NSUN3: variants seen among roughly 807,000 people sequenced by gnomAD.
The protein encoded by NSUN3 is NOP2/Sun RNA methyltransferase 3.
In NSUN3, 24 loss-of-function variants were observed where a neutral mutation model predicts 36.8. The observed-to-expected ratio is 0.65, with a 90% CI of 0.47 to 0.92. NSUN3 has a LOEUF of 0.92. Ranked by LOEUF, NSUN3 falls within the 40% of genes least tolerant of loss-of-function variation. The pLI is 0.00. For missense variants in NSUN3, 381 were observed against 392.8 expected (o/e 0.97, Z 0.25); for synonymous variants, 146 against 145.2 (o/e 1.01, Z -0.04).
chr3:94,108,917 G>A lies in NSUN3; in HGVS notation c.743+13763G>A, dbSNP rs552075119. Among the ~76,000 whole-genome samples the A allele has an allele frequency of 3.2e-3, 477 of 150,972 alleles. 2 individuals are homozygous for A. In the South Asian group the frequency reaches 0.038, roughly 12 times the overall value. ...TGACCTCAGGTGATTCACCCAACTC[G>A]GCCTCCCAAAGTGCTGGGATTACTG... is the stretch of plus-strand genomic sequence containing the variant. On this transcript the variant is annotated intron_variant, in intron 5 of 5. Coordinates refer to ENST00000314622, the MANE Select transcript of NSUN3 (RefSeq NM_022072.5).
intron 2 of NSUN3, chr3:94,076,744 CTT>C: frequency 6.9e-7 from 1 of 1,454,782 alleles, no homozygotes; most frequent in East Asian, 2.3e-5. Flanking sequence ...TGGAAGGAGT[CTT>C]TGTTGTGATA....
chr3:94,108,140 C>G (rs568334563), intron 5 of NSUN3, among the ~76,000 whole-genome samples: 1 of 151,896 alleles, frequency 6.6e-6, no homozygotes, highest in East Asian at 1.9e-4. Flanking sequence ...AAGAATAGTA[C>G]AAGGAGCTCC....
chr3:94,116,311 G>T (rs2077440038), intron 5 of NSUN3, among the ~76,000 whole-genome samples: 1 of 152,052 alleles, frequency 6.6e-6, no homozygotes, highest in African/African-American at 2.4e-5. Flanking sequence ...ATCCTTGAAG[G>T]CAAAGCATTA....
chr3:94,109,995 C>T (rs1482330796), intron 5 of NSUN3, among the ~76,000 whole-genome samples: 1 of 152,056 alleles, frequency 6.6e-6, no homozygotes, highest in Non-Finnish European at 1.5e-5. Flanking sequence ...ATAGCATGTA[C>T]TCTTTTATCT....
In NSUN3 at chr3:94,121,648, A is replaced by G. The variant is rs1006582772; in HGVS notation, c.744-4563A>G. Reference sequence around the variant, plus strand: ...TGAATAGTGAGGAGAGGAAACATAGAAAAAGTTTTTTTAGAGACTAACAAC... The same window carrying G: ...TGAATAGTGAGGAGAGGAAACATAGGAAAAGTTTTTTTAGAGACTAACAAC... On this transcript the variant is annotated intron_variant, in intron 5 of 5. Transcript: ENST00000314622. Among the ~76,000 whole-genome samples the G allele has an allele frequency of 7.9e-5, 12 of 152,282 alleles. No individual in the cohort carries two copies. The East Asian group carries it at 1.5e-3, about 20-fold the overall frequency.
chr3:94,107,550 G>A (rs1468671805), intron 5 of NSUN3, among the ~76,000 whole-genome samples: 2 of 152,034 alleles, frequency 1.3e-5, no homozygotes, highest in Non-Finnish European at 2.9e-5. Flanking sequence ...GCCTCTGAAA[G>A]TGCTGGGATT....
intron 5 of NSUN3, among the ~76,000 whole-genome samples, chr3:94,110,940 G>A (rs535587960): frequency 6.6e-6 from 1 of 152,034 alleles, no homozygotes; most frequent in South Asian, 2.1e-4. Flanking sequence ...ATTGGGCCTG[G>A]ATCCCTGATG....
intron 5 of NSUN3, among the ~76,000 whole-genome samples, chr3:94,125,694 C>T (rs990820701): frequency 1.3e-5 from 2 of 152,214 alleles, no homozygotes; most frequent in Admixed American, 6.5e-5. Context: ...GTCTAACTTA[C>T]TCTATCTTTT....
Position 94,129,979 on chromosome 3 carries a change from C to T in NSUN3, c.*3489C>T, listed in dbSNP as rs949269782. On this transcript the variant is annotated 3_prime_UTR_variant, in exon 6 of 6. Coordinates refer to ENST00000314622, the MANE Select transcript of NSUN3 (RefSeq NM_022072.5). ...CCATCTTGGCCAGGTTGATCTTGAA[C>T]TCCTGACCTTGTCATCCACCTGCCT... Among the ~76,000 whole-genome samples the T allele has an allele frequency of 3.3e-5, 5 of 151,988 alleles. No homozygotes were observed. Among genetic ancestry groups the T allele is most frequent in the Non-Finnish European group, 5.9e-5 (4 of 68,000 alleles).
At chr3:94,107,917 G>A (rs2077396942) in intron 5 of NSUN3, among the ~76,000 whole-genome samples, 1 of 149,562 alleles carries the variant, frequency 6.7e-6, no homozygotes, top group Admixed American at 6.7e-5. Flanking sequence ...CAGTTGGCAG[G>A]AAGAAAAACC....
At chr3:94,094,995 C>A in intron 4 of NSUN3, 38 bp from the exon 5 acceptor site, 1 of 1,605,990 alleles carries the variant, frequency 6.2e-7, no homozygotes, top group South Asian at 1.1e-5. Flanking sequence ...AATAGATTGT[C>A]AGTGCATATT....
intron 5 of NSUN3, among the ~76,000 whole-genome samples, chr3:94,097,206 C>A (rs2077345345): frequency 6.6e-6 from 1 of 152,076 alleles, no homozygotes; most frequent in Non-Finnish European, 1.5e-5. Context: ...AAAAATAAAT[C>A]AAATAATACA....
At chr3:94,124,696 G>A (rs79343974) in intron 5 of NSUN3, among the ~76,000 whole-genome samples, 4,684 of 152,092 alleles carry the variant, frequency 0.031, 227 homozygotes, top group African/African-American at 0.1. Context: ...CACCTTCTAA[G>A]GCACTATGGG....
intron 5 of NSUN3, among the ~76,000 whole-genome samples, chr3:94,112,746 A>G (rs1030161634): frequency 3.3e-5 from 5 of 152,266 alleles, no homozygotes; most frequent in South Asian, 2.1e-4. Flanking sequence ...GCTGTGCCCA[A>G]TTAAAAATCC....
rs975085509 is a variant in NSUN3, at chr3:94,129,890, T to C, written c.*3400T>C. ...GCCTCAGCCTCCCAAGTAACTGAGATCACAGGCACCCGCCACCATGCTTGG... is the reference window on the plus strand; with the variant it reads ...GCCTCAGCCTCCCAAGTAACTGAGACCACAGGCACCCGCCACCATGCTTGG... On this transcript the variant is annotated 3_prime_UTR_variant, in exon 6 of 6. Coordinates refer to ENST00000314622, the MANE Select transcript of NSUN3 (RefSeq NM_022072.5). Among the ~76,000 whole-genome samples the C allele has an allele frequency of 3.3e-5, 5 of 151,546 alleles. No homozygotes were observed. The highest frequency in any genetic ancestry group is 5.9e-5 in the Non-Finnish European group (4 of 67,906).
At chr3:94,073,954 T>C (rs1408428117) in intron 2 of NSUN3, among the ~76,000 whole-genome samples, 1 of 152,218 alleles carries the variant, frequency 6.6e-6, no homozygotes, top group African/African-American at 2.4e-5. Flanking sequence ...AAGTCTTTAA[T>C]CCATCTTCAG....
At chr3:94,069,496 T>C (rs1418979150) in intron 2 of NSUN3, among the ~76,000 whole-genome samples, 3 of 152,260 alleles carry the variant, frequency 2.0e-5, no homozygotes, top group Non-Finnish European at 4.4e-5. Flanking sequence ...TTCTGTAATC[T>C]ACAGGGTTAT....
intron 2 of NSUN3, among the ~76,000 whole-genome samples, chr3:94,066,948 G>A (rs1449218075): frequency 6.6e-6 from 1 of 152,148 alleles, no homozygotes; most frequent in East Asian, 1.9e-4. Flanking sequence ...ACTGCCCTCA[G>A]CTCCTGGGAG....
At chr3:94,071,572 G>T (rs958044187) in intron 2 of NSUN3, among the ~76,000 whole-genome samples, 1 of 152,144 alleles carries the variant, frequency 6.6e-6, no homozygotes, top group African/African-American at 2.4e-5. Context: ...GCTGGAAATT[G>T]CATCCTTTAA....
Sources: allele counts gnomAD v4.1 joint callset (sites outside exome capture counted in the v4.1 genomes callset), GRCh38; gene constraint gnomAD v4.1.1; transcripts MANE v1.5; gene names NCBI Gene and HGNC (gene_info 2026-07-23, HGNC 2026-07-21).